The following NCS1 variants were observed in gnomAD, a reference collection of about 807,000 sequenced individuals.
NCS1 encodes the protein neuronal calcium sensor 1, also known as frequenin homolog.
Under a neutral mutation model 28.4 loss-of-function variants are expected in NCS1, and 6 were observed. The ratio of observed to expected loss-of-function variants is 0.21; its 90% CI spans 0.12 to 0.42. The LOEUF is 0.42. NCS1 is among the 10% of genes least tolerant of loss of function. NCS1 has a pLI of 1.00. For missense variants in NCS1, 131 were observed against 241.4 expected, an observed-to-expected ratio of 0.54 and a Z score of 3.03; for synonymous variants, 86 against 99.3, an observed-to-expected ratio of 0.87 and a Z score of 0.79.
chr9:130,218,600 T>C (rs1554909729), intron 3 of NCS1, among the ~76,000 whole-genome samples: 2 of 152,164 alleles, frequency 1.3e-5, no homozygotes, highest in Non-Finnish European at 2.9e-5. Flanking sequence ...CATGGATTTT[T>C]TTTTTTTTTG....
chr9:130,187,308 C>A (rs964464541), intron 1 of NCS1, among the ~76,000 whole-genome samples: 7 of 152,152 alleles, frequency 4.6e-5, no homozygotes, highest in African/African-American at 1.7e-4. Context: ...TCCCTGGGTC[C>A]TCCTGCTCTC....
In NCS1 at chr9:130,175,759, C is replaced by G. The variant is rs1832554825; in HGVS notation, c.64+3032C>G. On this transcript the variant is annotated intron_variant, in intron 1 of 7. Transcript: ENST00000372398. This position sits in a 1 kb window ranked among gnomAD's most constrained non-coding sequence, Gnocchi z 4.9. ...CTGGACACACTGGGATTCCACCTGG[C>G]TCAAACCCTAACCCAGTCCTCAGCC... is the stretch of plus-strand genomic sequence containing the variant. Among the ~76,000 whole-genome samples, 1 of 152,216 alleles carries G rather than the reference C, an allele frequency of 6.6e-6. No homozygotes were observed. The highest frequency in any genetic ancestry group is 1.5e-5 in the Non-Finnish European group (1 of 68,040).
intron 2 of NCS1, 129 bp downstream of exon 2, chr9:130,201,111 C>A: frequency 8.1e-7 from 1 of 1,241,102 alleles, no homozygotes; most frequent in Non-Finnish European, 1.2e-6. Flanking sequence ...AGCGTGGGGT[C>A]CAGACAGCCT....
At chr9:130,176,872 C>A (rs1554904704) in intron 1 of NCS1, among the ~76,000 whole-genome samples, 2 of 152,256 alleles carry the variant, frequency 1.3e-5, no homozygotes, top group Middle Eastern at 3.2e-3. Context: ...GTCTGAGCTG[C>A]ATCCCCTTAA....
At chr9:130,227,881 G>A (rs1020216033) in intron 7 of NCS1, among the ~76,000 whole-genome samples, 9 of 152,216 alleles carry the variant, frequency 5.9e-5, no homozygotes, top group Non-Finnish European at 1.3e-4. Flanking sequence ...GGATTTAGCA[G>A]TGCAAGTTCC....
Position 130,215,993 on chromosome 9 carries a change from T to C in NCS1, c.90-1839T>C, listed in dbSNP as rs1203257011. Among the ~76,000 whole-genome samples, 1 of 152,172 alleles carries C rather than the reference T, an allele frequency of 6.6e-6. No homozygotes were observed. The highest frequency in any genetic ancestry group is 2.4e-5 in the African/African-American group (1 of 41,446). ...ACTCCGGCAGCAGCAGCCACAGTAC[T>C]GGCAGGAGGCTGGGTGCCTGAGCTT... On this transcript the variant is annotated intron_variant, in intron 2 of 7. Coordinates refer to ENST00000372398, the MANE Select transcript of NCS1 (RefSeq NM_014286.4). The surrounding 1 kb of genome is among the most constrained non-coding windows in gnomAD (Gnocchi z 4.2).
At chr9:130,199,628 C>T (rs1554907223) in intron 1 of NCS1, among the ~76,000 whole-genome samples, 1 of 152,212 alleles carries the variant, frequency 6.6e-6, no homozygotes, top group Non-Finnish European at 1.5e-5. Context: ...GTTGTGCCAT[C>T]CTCCCTCCAT....
intron 2 of NCS1, among the ~76,000 whole-genome samples, chr9:130,202,692 G>A (rs1434271981): frequency 1.3e-5 from 2 of 150,628 alleles, no homozygotes; most frequent in Admixed American, 6.7e-5. Context: ...CGATTCTCTT[G>A]TCTCTGCCTC....
intron 1 of NCS1, chr9:130,200,331 G>C: frequency 1.8e-6 from 1 of 552,282 alleles, no homozygotes; most frequent in East Asian, 2.9e-5. Context: ...AGTAAAGAAT[G>C]GGTATGTGGG....
rs1554910747 is a variant in NCS1, at chr9:130,222,696, G to A, written c.354G>A (p.Arg118=). Residue 118 remains arginine (R), a synonymous_variant, in exon 5 of 8, where the codon AGG becomes AGA. Transcript: ENST00000372398. ...TGGACAATGATGGCTACATCACCAGGAATGAGATGCTGGACATTGTGGATG... is the reference window on the plus strand; with the variant it reads ...TGGACAATGATGGCTACATCACCAGAAATGAGATGCTGGACATTGTGGATG... ...YDLDNDGYIT[R]NEMLDIVDAI... 1.2e-6 allele frequency: 2 copies of A among 1,613,962 alleles called. No homozygotes were observed. Among genetic ancestry groups the A allele is most frequent in the African/African-American group, 2.7e-5 (2 of 74,892 alleles).
At position 130,219,676 on chromosome 9, in the gene NCS1, G is replaced by A. The variant is rs369405492; in HGVS notation, c.229-49G>A. Reference sequence around the variant, plus strand: ...CCCGTCCCGAGGTTCAGCCTGACCCGGTGGCCTGGCCGGCACTGACTGAGG... The same window carrying A: ...CCCGTCCCGAGGTTCAGCCTGACCCAGTGGCCTGGCCGGCACTGACTGAGG... On this transcript the variant is annotated intron_variant, in intron 3 of 7. Coordinates refer to ENST00000372398, the MANE Select transcript of NCS1 (RefSeq NM_014286.4). The surrounding 1 kb of genome is among the most constrained non-coding windows in gnomAD (Gnocchi z 5.7). 28 of 1,582,728 alleles carry A rather than the reference G, an allele frequency of 1.8e-5. No homozygotes were observed. The highest frequency in any genetic ancestry group is 4.5e-5 in the East Asian group (2 of 44,724).
intron 1 of NCS1, among the ~76,000 whole-genome samples, chr9:130,184,729 G>A (rs7872208): frequency 0.23 from 34,186 of 151,828 alleles, 4,018 homozygotes; most frequent in Admixed American, 0.31. Context: ...CCAGGTTCAA[G>A]CGATTCTCTT....
rs35933110 is a variant in NCS1 at position 130,230,711 on chromosome 9, T to TAA, written c.*18-2266_*18-2265dup. ...GTGACAGTGTAAGACTCTGTCTCTT[T>TAA]AAAAAAAAAAAAAAGTGTAATGTTT... On this transcript the variant is annotated intron_variant, in intron 7 of 7. Coordinates refer to ENST00000372398, the MANE Select transcript of NCS1 (RefSeq NM_014286.4). Among the ~76,000 whole-genome samples the TAA allele has an allele frequency of 4.2e-3, 595 of 142,348 alleles. 4 individuals carry two copies. Among genetic ancestry groups the TAA allele is most frequent in the African/African-American group, 0.014 (540 of 38,590 alleles). The allele number at this position is 142,348 out of a possible 152,430, so 93.4% of individuals were successfully genotyped here.
intron 1 of NCS1, among the ~76,000 whole-genome samples, chr9:130,188,866 G>A (rs938844566): frequency 6.6e-6 from 1 of 151,962 alleles, no homozygotes; most frequent in East Asian, 1.9e-4. Flanking sequence ...ACAGGTGCCT[G>A]CCACCATGCC....
intron 1 of NCS1, among the ~76,000 whole-genome samples, chr9:130,195,773 A>C (rs1832870541): frequency 6.6e-6 from 1 of 152,116 alleles, no homozygotes; most frequent in Non-Finnish European, 1.5e-5. Flanking sequence ...GGAACGGGTG[A>C]GGTGAGGAAG....
At chr9:130,197,726 G>A (rs1212797049) in intron 1 of NCS1, among the ~76,000 whole-genome samples, 2 of 152,192 alleles carry the variant, frequency 1.3e-5, no homozygotes, top group East Asian at 1.9e-4. Flanking sequence ...ACTTTGGGAG[G>A]CCAAGGCAGA....
intron 6 of NCS1, among the ~76,000 whole-genome samples, chr9:130,223,624 G>A (rs1350754054): frequency 6.6e-6 from 1 of 152,162 alleles, no homozygotes; most frequent in Admixed American, 6.6e-5. Flanking sequence ...GAAATTGCGA[G>A]CTGTAATATC....
intron 1 of NCS1, among the ~76,000 whole-genome samples, chr9:130,197,576 C>G (rs1832891110): frequency 6.6e-6 from 1 of 152,192 alleles, no homozygotes; most frequent in Admixed American, 6.5e-5. Context: ...GGACAAAGGA[C>G]AGCCTGACCC....
intron 1 of NCS1, among the ~76,000 whole-genome samples, chr9:130,173,707 G>C (rs576269092): frequency 6.6e-6 from 1 of 152,264 alleles, no homozygotes; most frequent in African/African-American, 2.4e-5. Flanking sequence ...ACCCATCCCC[G>C]GGCAGCTGCG....
Sources: allele counts gnomAD v4.1 joint callset (sites outside exome capture counted in the v4.1 genomes callset), GRCh38; gene constraint gnomAD v4.1.1; non-coding constraint Gnocchi (gnomAD v3.1); transcripts MANE v1.5; gene names NCBI Gene and HGNC (gene_info 2026-07-23, HGNC 2026-07-21).